DPYD: variants seen among roughly 807,000 people sequenced by gnomAD.
DPYD encodes the protein dihydropyrimidine dehydrogenase.
In DPYD, 109 loss-of-function variants were observed where a neutral mutation model predicts 116.2. That is an observed-to-expected ratio of 0.94 (90% confidence interval 0.80 to 1.10). The LOEUF (loss-of-function observed/expected upper bound fraction) is 1.10, where lower values mean the gene tolerates loss of function less well. Ranked by LOEUF, DPYD falls within the 50% of genes least tolerant of loss-of-function variation. The pLI, the probability that DPYD is intolerant of heterozygous loss-of-function variation, is 0.00. For synonymous variants in DPYD, 440 were observed against 432.0 expected (o/e 1.02, Z -0.23); for missense variants, 1,302 against 1,254.5 (o/e 1.04, Z -0.57).
chr1:97,213,759 G>A (rs149539481), intron 19 of DPYD, among the ~76,000 whole-genome samples: 24 of 152,220 alleles, frequency 1.6e-4, no homozygotes, highest in African/African-American at 5.3e-4. Context: ...AAGGACCTTC[G>A]TCCTCTGTTT....
chr1:97,431,956 G>C (rs906515550), intron 14 of DPYD, among the ~76,000 whole-genome samples: 1 of 152,054 alleles, frequency 6.6e-6, no homozygotes, highest in Non-Finnish European at 1.5e-5. Flanking sequence ...GTGAGAACAT[G>C]AAATGTTTGT....
intron 16 of DPYD, among the ~76,000 whole-genome samples, chr1:97,345,963 T>C (rs1317141708): frequency 2.0e-5 from 3 of 151,934 alleles, no homozygotes; most frequent in Non-Finnish European, 4.4e-5. Flanking sequence ...TTTTGTTTAA[T>C]GCAGTAAATG....
chr1:97,357,946 C>T (rs1480143022), intron 16 of DPYD, among the ~76,000 whole-genome samples: 1 of 152,118 alleles, frequency 6.6e-6, no homozygotes, highest in Non-Finnish European at 1.5e-5. Flanking sequence ...CTCATTGGGA[C>T]TGGTTGGACA....
chr1:97,347,841 C>T (rs1669938116), intron 16 of DPYD, among the ~76,000 whole-genome samples: 1 of 152,094 alleles, frequency 6.6e-6, no homozygotes. Context: ...TCAGTATTCT[C>T]AAGAATACAA....
chr1:97,279,207 A>T (rs1190029281), intron 18 of DPYD, among the ~76,000 whole-genome samples: 1 of 152,114 alleles, frequency 6.6e-6, no homozygotes, highest in Non-Finnish European at 1.5e-5. Flanking sequence ...CATACCCCAT[A>T]CTTTGTTTAA....
At chr1:97,472,303 C>T (rs1387638889) in intron 13 of DPYD, among the ~76,000 whole-genome samples, 1 of 152,180 alleles carries the variant, frequency 6.6e-6, no homozygotes, top group Non-Finnish European at 1.5e-5. Flanking sequence ...CTACCCAGCA[C>T]TCCTTTTCTG....
At chr1:97,311,517 G>A (rs932250358) in intron 16 of DPYD, among the ~76,000 whole-genome samples, 11 of 151,702 alleles carry the variant, frequency 7.3e-5, no homozygotes, top group Non-Finnish European at 1.3e-4. Context: ...GGGGGGTTGG[G>A]GGAAAGTCAA....
intron 1 of DPYD, among the ~76,000 whole-genome samples, chr1:97,885,587 T>C (rs1672446670): frequency 6.6e-6 from 1 of 152,118 alleles, no homozygotes; most frequent in Non-Finnish European, 1.5e-5. Context: ...CAATGCTTTG[T>C]GTTTTAAGTT....
chr1:97,900,477 A>G (rs980815865), intron 1 of DPYD, among the ~76,000 whole-genome samples: 1 of 151,882 alleles, frequency 6.6e-6, no homozygotes, highest in African/African-American at 2.4e-5. Flanking sequence ...TCAAAATAAA[A>G]GCATTTGGCT....
intron 21 of DPYD, among the ~76,000 whole-genome samples, chr1:97,090,241 C>T (rs1479181932): frequency 6.6e-6 from 1 of 152,012 alleles, no homozygotes; most frequent in Non-Finnish European, 1.5e-5. Flanking sequence ...GAAATGCCAC[C>T]TTCCTTTTCT....
intron 16 of DPYD, among the ~76,000 whole-genome samples, chr1:97,329,472 C>T (rs375131266): frequency 4.0e-5 from 6 of 151,824 alleles, no homozygotes; most frequent in East Asian, 3.9e-4. Context: ...TGAGGCTGGG[C>T]GCAGTGGTTT....
intron 18 of DPYD, chr1:97,295,856 G>T: frequency 1.6e-6 from 1 of 615,322 alleles, no homozygotes; most frequent in Non-Finnish European, 2.0e-6. Context: ...TATGTTAGTG[G>T]TTTTCTCACA....
intron 19 of DPYD, among the ~76,000 whole-genome samples, chr1:97,207,649 T>C (rs1478769378): frequency 6.6e-6 from 1 of 152,184 alleles, no homozygotes; most frequent in Non-Finnish European, 1.5e-5. Flanking sequence ...AAATCCAATA[T>C]ATACAATGTT....
intron 20 of DPYD, among the ~76,000 whole-genome samples, chr1:97,110,084 T>A (rs1395081056): frequency 2.0e-5 from 3 of 152,080 alleles, no homozygotes; most frequent in African/African-American, 4.8e-5. Context: ...TTCCTGAAGT[T>A]TTTGGGCTAC....
chr1:97,621,570 T>C (rs1025849282), intron 8 of DPYD, among the ~76,000 whole-genome samples: 1 of 152,156 alleles, frequency 6.6e-6, no homozygotes, highest in African/African-American at 2.4e-5. Flanking sequence ...CACATACATG[T>C]ATATGCATAG....
intron 21 of DPYD, among the ~76,000 whole-genome samples, chr1:97,083,195 C>T (rs1649286014): frequency 6.6e-6 from 1 of 152,014 alleles, no homozygotes; most frequent in Non-Finnish European, 1.5e-5. Context: ...TATGTTTCAT[C>T]AACAATAAGA....
intron 8 of DPYD, among the ~76,000 whole-genome samples, chr1:97,653,090 G>C (rs955873379): frequency 6.6e-6 from 1 of 151,726 alleles, no homozygotes; most frequent in Admixed American, 6.6e-5. Flanking sequence ...TATCTTCTCT[G>C]TCCTCCCTTT....
intron 2 of DPYD, among the ~76,000 whole-genome samples, chr1:97,861,139 C>A (rs1671093836): frequency 6.6e-6 from 1 of 151,814 alleles, no homozygotes; most frequent in Admixed American, 6.6e-5. Flanking sequence ...AAAAAATAGA[C>A]ATAAAATAAA....
At chr1:97,607,707 G>A (rs1019520568) in intron 8 of DPYD, among the ~76,000 whole-genome samples, 1 of 151,854 alleles carries the variant, frequency 6.6e-6, no homozygotes, top group Admixed American at 6.6e-5. Context: ...GGAAAAAGCG[G>A]CATGCTGGAA....
Sources: allele counts gnomAD v4.1 joint callset (sites outside exome capture counted in the v4.1 genomes callset), GRCh38; gene constraint gnomAD v4.1.1; transcripts MANE v1.5; gene names NCBI Gene and HGNC (gene_info 2026-07-23, HGNC 2026-07-21).